The following TNFSF11 variants were observed in gnomAD, a reference collection of about 807,000 sequenced individuals.
The protein encoded by TNFSF11 is TNF superfamily member 11, also known as tumor necrosis factor ligand superfamily member 11.
Under a neutral mutation model 32.2 loss-of-function variants are expected in TNFSF11, and 12 were observed. The ratio of observed to expected loss-of-function variants is 0.37; its 90% CI spans 0.24 to 0.60. The LOEUF (loss-of-function observed/expected upper bound fraction) is 0.60, where lower values mean the gene tolerates loss of function less well. Ranked by LOEUF, TNFSF11 falls within the 20% of genes least tolerant of loss-of-function variation. TNFSF11 has a pLI of 0.66. For missense variants in TNFSF11, 345 were observed against 398.0 expected, an observed-to-expected ratio of 0.87 and a Z score of 1.13; for synonymous variants, 172 against 152.1, an observed-to-expected ratio of 1.13 and a Z score of -0.96.
In TNFSF11 at chr13:42,574,270, G is replaced by A. The variant is rs1438189622; in HGVS notation, c.-34G>A. 14 of 1,544,598 alleles carry A rather than the reference G, an allele frequency of 9.1e-6. No homozygotes were observed. Among genetic ancestry groups the A allele is most frequent in the African/African-American group, 1.4e-5 (1 of 72,788 alleles). On this transcript the variant is annotated 5_prime_UTR_variant, in exon 1 of 5. Coordinates refer to ENST00000398795, the MANE Select transcript of TNFSF11 (RefSeq NM_003701.4). Reference sequence around the variant, plus strand: ...ACAAGAAGGGGAGGGAGCGGGAGAGGGAGGAGAGCTCCGAAGCGAGAGGGC... The same window carrying A: ...ACAAGAAGGGGAGGGAGCGGGAGAGAGAGGAGAGCTCCGAAGCGAGAGGGC...
At chr13:42,597,489 T>G (rs1205408020) in intron 2 of TNFSF11, among the ~76,000 whole-genome samples, 1 of 152,154 alleles carries the variant, frequency 6.6e-6, no homozygotes, top group African/African-American at 2.4e-5. Context: ...TCATAGTTCA[T>G]TCCCGGGTAG....
chr13:42,570,242 A>T (rs1159378090), upstream of TNFSF11, among the ~76,000 whole-genome samples: 1 of 152,184 alleles, frequency 6.6e-6, no homozygotes, highest in Non-Finnish European at 1.5e-5. Context: ...TTTGACAAAT[A>T]TCTCTCCCTC....
At chr13:42,576,773 AAT>A (rs1012737729) in intron 1 of TNFSF11, among the ~76,000 whole-genome samples, 3 of 152,362 alleles carry the variant, frequency 2.0e-5, no homozygotes, top group African/African-American at 7.2e-5. Context: ...TACATTCTGA[AAT>A]ATTTACAGAT....
chr13:42,589,849 A>G (rs564366378), intron 2 of TNFSF11, among the ~76,000 whole-genome samples: 1 of 152,362 alleles, frequency 6.6e-6, no homozygotes, highest in African/African-American at 2.4e-5. Flanking sequence ...GGATGAATGG[A>G]TGAATGAATG....
chr13:42,603,682 A>C (rs2137910655), intron 4 of TNFSF11, among the ~76,000 whole-genome samples: 1 of 152,176 alleles, frequency 6.6e-6, no homozygotes, highest in East Asian at 1.9e-4. Flanking sequence ...GCTTGCCATG[A>C]ATTTCTGTAG....
intron 4 of TNFSF11, among the ~76,000 whole-genome samples, chr13:42,605,831 G>A (rs947360898): frequency 6.6e-6 from 1 of 152,196 alleles, no homozygotes; most frequent in African/African-American, 2.4e-5. Context: ...GGCTACTGGA[G>A]GTGAAGAAAA....
intron 2 of TNFSF11, among the ~76,000 whole-genome samples, chr13:42,596,792 C>T (rs1164506435): frequency 4.6e-5 from 7 of 152,208 alleles, no homozygotes; most frequent in African/African-American, 1.7e-4. Flanking sequence ...AACAACTATT[C>T]ATGGGAACAC....
intron 2 of TNFSF11, among the ~76,000 whole-genome samples, chr13:42,568,682 A>G (rs1425309031): frequency 6.6e-6 from 1 of 152,224 alleles, no homozygotes; most frequent in Admixed American, 6.5e-5. Flanking sequence ...ACGCGGGAAC[A>G]GACAGAAAAA....
At chr13:42,565,088 A>G (rs1872821941) in intron 1 of TNFSF11, among the ~76,000 whole-genome samples, 1 of 152,216 alleles carries the variant, frequency 6.6e-6, no homozygotes, top group Admixed American at 6.5e-5. Flanking sequence ...ATCTGTGTTT[A>G]TGCTTGACAA....
chr13:42,568,231 T>C lies in TNFSF11; in HGVS notation c.-160+1469T>C, dbSNP rs78690668. Among the ~76,000 whole-genome samples, 1,037 of 152,374 alleles carry C rather than the reference T, an allele frequency of 6.8e-3. 10 individuals are homozygous for C. Among genetic ancestry groups the C allele is most frequent in the African/African-American group, 0.023 (960 of 41,588 alleles). ...TCATGAATATTCATAGCTCTTCCTA[T>C]GTCCTGTTGAATATGTATGCTTTGC... On this transcript the variant is annotated intron_variant, in intron 2 of 6. Coordinates refer to the TNFSF11 transcript ENST00000358545.
chr13:42,586,050 TA>T (rs1316002848), intron 2 of TNFSF11, among the ~76,000 whole-genome samples: 1 of 152,256 alleles, frequency 6.6e-6, no homozygotes, highest in Non-Finnish European at 1.5e-5. Context: ...TATTAGCTTT[TA>T]AAAGCTGTGC....
At chr13:42,602,119 G>A (rs1196802317) in intron 4 of TNFSF11, among the ~76,000 whole-genome samples, 1 of 152,182 alleles carries the variant, frequency 6.6e-6, no homozygotes, top group African/African-American at 2.4e-5. Context: ...AATAACAGGG[G>A]TGCTAAAATC....
At chr13:42,583,755 A>G (rs1343374947) in intron 2 of TNFSF11, among the ~76,000 whole-genome samples, 2 of 152,178 alleles carry the variant, frequency 1.3e-5, no homozygotes, top group Non-Finnish European at 2.9e-5. Context: ...TCTTAAAGTC[A>G]GGAACATGAC....
rs1158714008 is a variant in TNFSF11 at position 42,574,527 on chromosome 13, G to A, written c.219+5G>A. ...TTCTTCTATTTCAGAGCGCAGGTGA[G>A]TGGCCACCTTCCCAGGGGATCGCGG... On this transcript the variant is annotated splice_donor_5th_base_variant and intron_variant, in intron 1 of 4. Transcript: ENST00000398795. 1.9e-6 allele frequency: 3 copies of A among 1,606,342 alleles called. No homozygotes were observed. The highest frequency in any genetic ancestry group is 1.3e-5 in the African/African-American group (1 of 75,028).
chr13:42,597,838 T>C, intron 2 of TNFSF11, among the ~76,000 whole-genome samples: 1 of 152,138 alleles, frequency 6.6e-6, no homozygotes, highest in Non-Finnish European at 1.5e-5. Flanking sequence ...TTTCTTGTTT[T>C]TCTTTTTCTT....
intron 4 of TNFSF11, among the ~76,000 whole-genome samples, chr13:42,605,773 C>T (rs752081358): frequency 2.1e-4 from 32 of 152,122 alleles, no homozygotes; most frequent in Non-Finnish European, 1.6e-4. Flanking sequence ...TTTTGAGCTT[C>T]TCTGGAGTTA....
intron 2 of TNFSF11, among the ~76,000 whole-genome samples, chr13:42,595,930 C>G (rs1868781986): frequency 6.6e-6 from 1 of 152,170 alleles, no homozygotes; most frequent in African/African-American, 2.4e-5. Context: ...TTAAAACACT[C>G]TAATTAATCT....
intron 1 of TNFSF11, among the ~76,000 whole-genome samples, chr13:42,563,848 A>G (rs1720414433): frequency 1.3e-5 from 2 of 152,064 alleles, no homozygotes; most frequent in Admixed American, 1.3e-4. Flanking sequence ...ATTTTCTGAC[A>G]TTTTGAGTCA....
intron 1 of TNFSF11, chr13:42,566,486 G>A (rs1872873205): frequency 6.6e-6 from 1 of 152,316 alleles, no homozygotes; most frequent in African/African-American, 2.4e-5. Flanking sequence ...GTTTGGTAAA[G>A]AAACAGAGGT....
Sources: allele counts gnomAD v4.1 joint callset (sites outside exome capture counted in the v4.1 genomes callset), GRCh38; gene constraint gnomAD v4.1.1; transcripts MANE v1.5; gene names NCBI Gene and HGNC (gene_info 2026-07-23, HGNC 2026-07-21).